The following BMPR2 variants were observed in gnomAD, a reference collection of about 807,000 sequenced individuals.
BMPR2 encodes the protein bone morphogenetic protein receptor type 2.
BMPR2 carries 29 observed loss-of-function variants against 100.8 expected under a neutral mutation model. The ratio of observed to expected loss-of-function variants is 0.29; its 90% CI spans 0.21 to 0.39. The LOEUF (loss-of-function observed/expected upper bound fraction) is 0.39. Ranked by LOEUF, BMPR2 falls within the 10% of genes least tolerant of loss-of-function variation. BMPR2 has a pLI of 1.00. For missense variants in BMPR2, 1,011 were observed against 1,274.5 expected (o/e 0.79, Z 3.15); for synonymous variants, 382 against 442.3 (o/e 0.86, Z 1.71).
chr2:202,445,193 G>GATATGCAAAC (rs1294106915), intron 1 of BMPR2, among the ~76,000 whole-genome samples: 2 of 150,370 alleles, frequency 1.3e-5, no homozygotes, highest in Non-Finnish European at 2.9e-5. Flanking sequence ...AGTCCCACAA[G>GATATGCAAAC]ATATGCAAAC....
At chr2:202,381,727 G>GT (rs1053693151) in intron 1 of BMPR2, among the ~76,000 whole-genome samples, 6 of 152,144 alleles carry the variant, frequency 3.9e-5, no homozygotes, top group Non-Finnish European at 5.9e-5. Flanking sequence ...CTCTTAATTA[G>GT]TTTTTTGCAT....
chr2:202,457,886 C>CG (rs1167133535), intron 1 of BMPR2, among the ~76,000 whole-genome samples: 1 of 152,040 alleles, frequency 6.6e-6, no homozygotes, highest in Non-Finnish European at 1.5e-5. Flanking sequence ...CACGCCACCA[C>CG]GCTCGGGTAA....
intron 3 of BMPR2, among the ~76,000 whole-genome samples, chr2:202,484,638 A>C (rs1692734209): frequency 7.0e-6 from 1 of 143,748 alleles, no homozygotes; most frequent in Non-Finnish European, 1.5e-5. Flanking sequence ...GCGCCACTGC[A>C]CTCCAGCCTG....
At chr2:202,502,667 G>A (rs1687422911) in intron 3 of BMPR2, among the ~76,000 whole-genome samples, 1 of 152,186 alleles carries the variant, frequency 6.6e-6, no homozygotes, top group Admixed American at 6.5e-5. Context: ...TTTGGCAGCA[G>A]TGACTCTCCA....
At chr2:202,481,189 T>C (rs1692654429) in intron 3 of BMPR2, among the ~76,000 whole-genome samples, 2 of 152,026 alleles carry the variant, frequency 1.3e-5, no homozygotes, top group South Asian at 4.1e-4. Flanking sequence ...TTCTCTTCTC[T>C]TCTCTTGAGA....
At chr2:202,471,701 T>C (rs149179892) in intron 3 of BMPR2, among the ~76,000 whole-genome samples, 1 of 152,198 alleles carries the variant, frequency 6.6e-6, no homozygotes, top group Non-Finnish European at 1.5e-5. Context: ...CAAAAAAGAC[T>C]GGACGACTAG....
rs183857818 is a variant in BMPR2 at position 202,482,499 on chromosome 2, G to A, written c.418+14810G>A. On this transcript the variant is annotated intron_variant, in intron 3 of 12. Transcript: ENST00000374580. The stretch of plus-strand genomic sequence containing the variant: ...AATGATCCTCCTGCCTCAGCCTCCC[G>A]GGTAGCTAGGATTACAGGCACATGA... Among the ~76,000 whole-genome samples the A allele has an allele frequency of 6.0e-4, 91 of 151,876 alleles. 1 individual carries two copies. The East Asian group carries it at 0.011, about 19-fold the overall frequency.
At position 202,495,286 on chromosome 2, in the gene BMPR2, G is replaced by A. The variant is rs1322897106; in HGVS notation, c.419-18433G>A. Among the ~76,000 whole-genome samples, 1 of 152,194 alleles carries A rather than the reference G, an allele frequency of 6.6e-6. No homozygotes were observed. The highest frequency in any genetic ancestry group is 1.5e-5 in the Non-Finnish European group (1 of 68,034). On this transcript the variant is annotated intron_variant, in intron 3 of 12. Coordinates refer to ENST00000374580, the MANE Select transcript of BMPR2 (RefSeq NM_001204.7). The surrounding 1 kb of genome is among the most constrained non-coding windows in gnomAD (Gnocchi z 4.5). The stretch of plus-strand genomic sequence containing the variant: ...TTAGTAGAAGTAGCTCTCAGCAGAT[G>A]GGGGAACCAGAAGGGAGATGGTTTT...
intron 1 of BMPR2, among the ~76,000 whole-genome samples, chr2:202,429,063 A>T (rs1426469622): frequency 6.6e-5 from 10 of 152,138 alleles, no homozygotes; most frequent in African/African-American, 2.4e-4. Context: ...CCCCATAAAT[A>T]TCTCTAGAAT....
intron 1 of BMPR2, among the ~76,000 whole-genome samples, chr2:202,388,409 A>C (rs932465007): frequency 8.0e-5 from 12 of 150,506 alleles, no homozygotes; most frequent in African/African-American, 2.0e-4. Context: ...AAAAAAAAAA[A>C]AAAAAAAAAA....
At chr2:202,446,904 C>G (rs1412033602) in intron 1 of BMPR2, among the ~76,000 whole-genome samples, 1 of 148,966 alleles carries the variant, frequency 6.7e-6, no homozygotes, top group Non-Finnish European at 1.5e-5. Flanking sequence ...CTCACTGCGA[C>G]CTCCCAAAGT....
At chr2:202,445,282 A>G (rs1691828283) in intron 1 of BMPR2, among the ~76,000 whole-genome samples, 1 of 150,182 alleles carries the variant, frequency 6.7e-6, no homozygotes, top group African/African-American at 2.5e-5. Context: ...GCTGGAGTGC[A>G]GTTGGGTGAT....
At chr2:202,493,574 ATAAT>A (rs1284489382) in intron 3 of BMPR2, among the ~76,000 whole-genome samples, 2 of 152,190 alleles carry the variant, frequency 1.3e-5, no homozygotes, top group African/African-American at 4.8e-5. Flanking sequence ...CCAATCAAAT[ATAAT>A]TAACTGTTTT....
chr2:202,452,483 A>G (rs1364796793), intron 1 of BMPR2, among the ~76,000 whole-genome samples: 2 of 152,176 alleles, frequency 1.3e-5, no homozygotes, highest in Admixed American at 6.6e-5. Flanking sequence ...TTTCATTAAT[A>G]AAAAAGATTG....
intron 3 of BMPR2, among the ~76,000 whole-genome samples, chr2:202,473,266 G>C (rs574445103): frequency 2.3e-4 from 35 of 151,900 alleles, no homozygotes; most frequent in African/African-American, 8.0e-4. Flanking sequence ...AACCCCATCT[G>C]TACCAAAAAT....
intron 1 of BMPR2, among the ~76,000 whole-genome samples, chr2:202,425,290 G>T (rs6752522): frequency 6.6e-6 from 1 of 152,094 alleles, no homozygotes; most frequent in Admixed American, 6.6e-5. Context: ...TCAGTCTGCC[G>T]CTAGTGCTGC....
Position 202,563,476 on chromosome 2 carries a change from A to G in BMPR2, c.*3530A>G, listed in dbSNP as rs2105719178. 6.6e-6 allele frequency: 1 copy of G among 152,212 alleles called. No individual in the cohort carries two copies. Among genetic ancestry groups the G allele is most frequent in the East Asian group, 1.9e-4 (1 of 5,182 alleles). The allele number at this position is 152,212 out of a possible 1,614,324, so 9.4% of individuals were successfully genotyped here. ...AATTCAGTCACTATACTCTGGCACA[A>G]TTTTCATTTGTATATGAGCCAAACC... On this transcript the variant is annotated 3_prime_UTR_variant, in exon 13 of 13. Coordinates refer to ENST00000374580, the MANE Select transcript of BMPR2 (RefSeq NM_001204.7).
At chr2:202,378,723 A>T (rs1384456624) in intron 1 of BMPR2, among the ~76,000 whole-genome samples, 1 of 152,218 alleles carries the variant, frequency 6.6e-6, no homozygotes. Flanking sequence ...AGTTTACTTT[A>T]AAACTGATAT....
At chr2:202,425,023 A>T (rs1426815092) in intron 1 of BMPR2, among the ~76,000 whole-genome samples, 3 of 151,810 alleles carry the variant, frequency 2.0e-5, no homozygotes, top group Non-Finnish European at 4.4e-5. Flanking sequence ...CAGTGGTGCA[A>T]TCTCGGCTCA....
Sources: allele counts gnomAD v4.1 joint callset (sites outside exome capture counted in the v4.1 genomes callset), GRCh38; gene constraint gnomAD v4.1.1; non-coding constraint Gnocchi (gnomAD v3.1); transcripts MANE v1.5; gene names NCBI Gene and HGNC (gene_info 2026-07-23, HGNC 2026-07-21).